The following PKNOX2 variants were observed in gnomAD, a reference collection of about 807,000 sequenced individuals.
PKNOX2 encodes the protein PBX/knotted 1 homeobox 2.
PKNOX2 carries 14 observed loss-of-function variants against 53.1 expected under a neutral mutation model. That is an observed-to-expected ratio of 0.26 (90% CI 0.17 to 0.41). The LOEUF is 0.41. Ranked by LOEUF, PKNOX2 falls within the 10% of genes least tolerant of loss-of-function variation. PKNOX2 has a pLI of 1.00. For missense variants in PKNOX2, 496 were observed against 602.8 expected (o/e 0.82, Z 1.85); for synonymous variants, 257 against 242.8 (o/e 1.06, Z -0.54).
intron 1 of PKNOX2, among the ~76,000 whole-genome samples, chr11:125,228,029 C>T (rs548182316): frequency 1.3e-5 from 2 of 149,352 alleles, no homozygotes; most frequent in South Asian, 4.3e-4. Flanking sequence ...CCCAGCTCAG[C>T]CGTGTATCAG....
intron 3 of PKNOX2, among the ~76,000 whole-genome samples, chr11:125,347,978 C>T (rs1951075899): frequency 6.6e-6 from 1 of 152,158 alleles, no homozygotes; most frequent in East Asian, 1.9e-4. Flanking sequence ...TGGACAGGGC[C>T]AAGCAGCCTC....
At chr11:125,376,282 G>A (rs750706065) in intron 5 of PKNOX2, among the ~76,000 whole-genome samples, 9 of 152,338 alleles carry the variant, frequency 5.9e-5, no homozygotes, top group Non-Finnish European at 1.0e-4. Flanking sequence ...CAACCCAGGC[G>A]AACACACCGC....
Position 125,339,931 on chromosome 11 carries a change from G to C in PKNOX2, c.-23+8006G>C, listed in dbSNP as rs532099529. ...TGAACACACAGTCCAATGAGTCCAC[G>C]ATGAAGACTCAAGATTTGCCGCTTT... On this transcript the variant is annotated intron_variant, in intron 3 of 12. Coordinates refer to ENST00000298282, the MANE Select transcript of PKNOX2 (RefSeq NM_001382323.2). Among the ~76,000 whole-genome samples, 6 of 152,244 alleles carry C rather than the reference G, an allele frequency of 3.9e-5. No homozygotes were observed. The South Asian group carries it at 1.0e-3, about 26-fold the overall frequency.
chr11:125,244,320 G>A (rs191451345), intron 2 of PKNOX2, among the ~76,000 whole-genome samples: 142 of 152,310 alleles, frequency 9.3e-4, no homozygotes, highest in African/African-American at 3.2e-3. Flanking sequence ...CTGGAGCTGC[G>A]TCCTGAGGAT....
Position 125,238,782 on chromosome 11 carries a change from C to T in PKNOX2, c.-130+3667C>T, listed in dbSNP as rs566555305. ...AGGAAACTAACATTTAATTTGGGCA[C>T]ATGAAGGAAACAGATGGACACAAAC... is the stretch of plus-strand genomic sequence containing the variant. On this transcript the variant is annotated intron_variant, in intron 2 of 12. Transcript: ENST00000298282. Among the ~76,000 whole-genome samples the T allele has an allele frequency of 9.9e-5, 15 of 152,266 alleles. No homozygotes were observed. The South Asian group carries it at 2.5e-3, about 25-fold the overall frequency.
intron 2 of PKNOX2, among the ~76,000 whole-genome samples, chr11:125,323,854 G>GTT (rs1268004645): frequency 1.4e-5 from 2 of 143,072 alleles, no homozygotes; most frequent in African/African-American, 5.5e-5. Flanking sequence ...TGTTTCTGGG[G>GTT]TTGTGTGTGT....
At chr11:125,230,933 C>G (rs920041022) in intron 1 of PKNOX2, among the ~76,000 whole-genome samples, 3 of 152,140 alleles carry the variant, frequency 2.0e-5, no homozygotes, top group African/African-American at 7.2e-5. Flanking sequence ...ACTCCAGCAT[C>G]TTTACTCTTA....
At chr11:125,376,068 T>C (rs1952819139) in intron 5 of PKNOX2, among the ~76,000 whole-genome samples, 1 of 152,146 alleles carries the variant, frequency 6.6e-6, no homozygotes, top group Non-Finnish European at 1.5e-5. Flanking sequence ...AGATTTCACA[T>C]AGATGCGTTT....
chr11:125,323,113 G>C (rs1266347397), intron 2 of PKNOX2, among the ~76,000 whole-genome samples: 4 of 152,088 alleles, frequency 2.6e-5, no homozygotes, highest in African/African-American at 9.7e-5. Flanking sequence ...TGATGCAGGA[G>C]AGTTATGGAT....
At chr11:125,407,950 A>G (rs993804508) in intron 7 of PKNOX2, among the ~76,000 whole-genome samples, 9 of 152,196 alleles carry the variant, frequency 5.9e-5, no homozygotes, top group African/African-American at 1.9e-4. Context: ...TGAGGCCCAC[A>G]GAAGGGTGGT....
intron 5 of PKNOX2, among the ~76,000 whole-genome samples, chr11:125,383,612 CA>C (rs1026670326): frequency 6.6e-6 from 1 of 151,884 alleles, no homozygotes; most frequent in African/African-American, 2.4e-5. Context: ...GCAAGACTGT[CA>C]AAAAAACAAA....
intron 1 of PKNOX2, among the ~76,000 whole-genome samples, chr11:125,171,847 G>C (rs902156264): frequency 1.3e-5 from 2 of 152,336 alleles, no homozygotes; most frequent in South Asian, 4.1e-4. Flanking sequence ...GGACACTTTG[G>C]GGATGAGGGG....
intron 2 of PKNOX2, among the ~76,000 whole-genome samples, chr11:125,328,230 C>G (rs1949937992): frequency 6.6e-6 from 1 of 152,200 alleles, no homozygotes; most frequent in Admixed American, 6.5e-5. Flanking sequence ...TGGAGGCTGA[C>G]AGTCAGAAGC....
intron 3 of PKNOX2, chr11:125,332,583 C>T (rs1024968738): frequency 2.0e-5 from 3 of 152,102 alleles, no homozygotes; most frequent in Non-Finnish European, 4.4e-5. Flanking sequence ...TGTAGAAATC[C>T]GGTTATCCGA....
intron 2 of PKNOX2, among the ~76,000 whole-genome samples, chr11:125,286,430 A>G (rs897326626): frequency 7.2e-5 from 11 of 152,392 alleles, no homozygotes; most frequent in South Asian, 4.1e-4. Context: ...AACAAAGTGA[A>G]TTTGGGGTAA....
rs1016449262 is a variant in PKNOX2 at position 125,318,275 on chromosome 11, T to A, written c.-129-13544T>A. 5.4e-4 allele frequency among the ~76,000 whole-genome samples: 67 copies of A among 124,840 alleles called. 1 individual carries two copies. In the South Asian group the frequency reaches 0.014, roughly 27 times the overall value. 81.9% of individuals were successfully genotyped at this position (124,840 alleles called of 152,430 possible). On this transcript the variant is annotated intron_variant, in intron 2 of 12. Coordinates refer to ENST00000298282, the MANE Select transcript of PKNOX2 (RefSeq NM_001382323.2). ...GCACCCGCCATCATGCCTGGCTAAT[T>A]TTTTTTTTTTTTTTTTTGTATTTTT...
chr11:125,423,684 T>C (rs1956277059), intron 10 of PKNOX2, among the ~76,000 whole-genome samples: 1 of 152,160 alleles, frequency 6.6e-6, no homozygotes, highest in Non-Finnish European at 1.5e-5. Flanking sequence ...GACAGGTAGC[T>C]ACACAGACCC....
Position 125,367,956 on chromosome 11 carries a change from G to A in PKNOX2, c.198G>A (p.Gln66=), listed in dbSNP as rs1234621522. The A allele has an allele frequency of 1.1e-5, 17 of 1,613,228 alleles. No homozygotes were observed. Among genetic ancestry groups the A allele is most frequent in the Non-Finnish European group, 1.4e-5 (17 of 1,179,582 alleles). ...GTGCCCCCATCGACCCCCAGGCCCA[G>A]CTGGAGGCTGACAAGCGAGCTGTAT... ...VPSAPIDPQA[Q]LEADKRAVYR... is the part of the protein sequence containing the mutation. The change falls in exon 5 of 13, where the codon CAG becomes CAA. Residue 66 remains glutamine (Q), a synonymous_variant. Transcript: ENST00000298282.
At chr11:125,294,160 T>C (rs550124993) in intron 2 of PKNOX2, among the ~76,000 whole-genome samples, 20 of 152,362 alleles carry the variant, frequency 1.3e-4, no homozygotes, top group African/African-American at 4.6e-4. Context: ...TACAGGAAAT[T>C]AACACATTAA....
Sources: allele counts gnomAD v4.1 joint callset (sites outside exome capture counted in the v4.1 genomes callset), GRCh38; gene constraint gnomAD v4.1.1; transcripts MANE v1.5; gene names NCBI Gene and HGNC (gene_info 2026-07-23, HGNC 2026-07-21).